Variants in ATP9A observed in about 807,000 individuals in gnomAD.
The protein encoded by ATP9A is probable phospholipid-transporting ATPase IIA.
Under a neutral mutation model 144.1 loss-of-function variants are expected in ATP9A, and 52 were observed. The observed-to-expected ratio is 0.36, with a 90% CI of 0.29 to 0.45. The LOEUF (loss-of-function observed/expected upper bound fraction) is 0.45, where lower values mean the gene tolerates loss of function less well. ATP9A is among the 20% of genes least tolerant of loss of function. The pLI is 1.00. For missense variants in ATP9A, 947 were observed against 1,392.7 expected (o/e 0.68, Z 5.09); for synonymous variants, 582 against 557.4 (o/e 1.04, Z -0.62).
chr20:51,746,156 A>C (rs553435772), intron 1 of ATP9A, among the ~76,000 whole-genome samples: 10 of 152,300 alleles, frequency 6.6e-5, no homozygotes, highest in Non-Finnish European at 1.3e-4. Context: ...GAAGGGAAGA[A>C]GAGACACTGG....
chr20:51,689,215 C>T (rs1233159588), intron 8 of ATP9A, 76 bp from the exon 9 acceptor site: 7 of 1,452,684 alleles, frequency 4.8e-6, no homozygotes, highest in South Asian at 2.4e-5. Flanking sequence ...TAGCATGGTC[C>T]GCTGGAGATA....
chr20:51,669,969 T>G, intron 13 of ATP9A, 28 bp downstream of exon 13: 2 of 1,525,076 alleles, frequency 1.3e-6, no homozygotes, highest in African/African-American at 1.4e-5. Context: ...CAAAGAATTG[T>G]TTTGGGTGTT....
intron 1 of ATP9A, among the ~76,000 whole-genome samples, chr20:51,745,040 C>T (rs1401976582): frequency 6.6e-6 from 1 of 151,840 alleles, no homozygotes; most frequent in Non-Finnish European, 1.5e-5. Context: ...CTTTGGGAGG[C>T]CAAGGCGGGT....
intron 4 of ATP9A, among the ~76,000 whole-genome samples, chr20:51,698,826 A>C (rs577460130): frequency 6.6e-6 from 1 of 152,218 alleles, no homozygotes; most frequent in African/African-American, 2.4e-5. Flanking sequence ...CAAGACGTAA[A>C]GCATCAGGAA....
chr20:51,627,804 A>G, intron 16 of ATP9A, 121 bp from the exon 17 acceptor site: 1 of 817,924 alleles, frequency 1.2e-6, no homozygotes, highest in Non-Finnish European at 2.0e-6. Flanking sequence ...GCAAATCAGA[A>G]AGTTGCTTTC....
At chr20:51,607,301 C>T (rs1308365538) in intron 26 of ATP9A, among the ~76,000 whole-genome samples, 1 of 152,226 alleles carries the variant, frequency 6.6e-6, no homozygotes, top group Non-Finnish European at 1.5e-5. Context: ...TTACTGTCCA[C>T]TGCCTTCCTC....
intron 1 of ATP9A, among the ~76,000 whole-genome samples, chr20:51,739,669 C>A (rs1387982627): frequency 6.6e-6 from 1 of 152,172 alleles, no homozygotes; most frequent in South Asian, 2.1e-4. Flanking sequence ...TGAGCCCAAT[C>A]CCATCTCTGA....
intron 1 of ATP9A, among the ~76,000 whole-genome samples, chr20:51,759,865 C>T (rs1309420617): frequency 6.6e-6 from 1 of 152,072 alleles, no homozygotes; most frequent in African/African-American, 2.4e-5. Context: ...ATCCCTCAAA[C>T]TTGTAATCCC....
chr20:51,695,311 C>T (rs2077565865), intron 6 of ATP9A, among the ~76,000 whole-genome samples: 1 of 151,724 alleles, frequency 6.6e-6, no homozygotes, highest in African/African-American at 2.4e-5. Context: ...GGTGAAACCC[C>T]GTCTCTACTA....
chr20:51,746,149 G>C (rs1377167430), intron 1 of ATP9A, among the ~76,000 whole-genome samples: 1 of 152,110 alleles, frequency 6.6e-6, no homozygotes, highest in African/African-American at 2.4e-5. Context: ...GCACAAAGAA[G>C]GGAAGAAGAG....
intron 1 of ATP9A, among the ~76,000 whole-genome samples, chr20:51,751,078 A>G (rs1467111188): frequency 6.6e-6 from 1 of 152,148 alleles, no homozygotes; most frequent in Non-Finnish European, 1.5e-5. Flanking sequence ...AGGGAGGGGC[A>G]TCAGGAAGGA....
chr20:51,613,138 A>G (rs1371250132), intron 23 of ATP9A, among the ~76,000 whole-genome samples: 2 of 152,150 alleles, frequency 1.3e-5, no homozygotes, highest in African/African-American at 2.4e-5. Flanking sequence ...GAGACACTGC[A>G]TTGTCAACAC....
chr20:51,755,479 C>T (rs929747710), intron 1 of ATP9A, among the ~76,000 whole-genome samples: 9 of 151,930 alleles, frequency 5.9e-5, no homozygotes, highest in African/African-American at 2.2e-4. Context: ...ATACTCCTAT[C>T]AGAATGGCTG....
Position 51,611,554 on chromosome 20 carries a change from G to A in ATP9A, c.2572-1389C>T, listed in dbSNP as rs897211745. 6.6e-6 allele frequency among the ~76,000 whole-genome samples: 1 copy of A among 152,142 alleles called. No individual in the cohort carries two copies. Among genetic ancestry groups the A allele is most frequent in the African/African-American group, 2.4e-5 (1 of 41,402 alleles). Reference sequence around the variant, plus strand: ...GCAATTCTAACTGGGACTTGCTCTCGGCCATTTTCAGCACAGTGGACAGGG... The same window carrying A: ...GCAATTCTAACTGGGACTTGCTCTCAGCCATTTTCAGCACAGTGGACAGGG... On this transcript the variant is annotated intron_variant, in intron 23 of 27. Coordinates refer to ENST00000338821, the MANE Select transcript of ATP9A (RefSeq NM_006045.3). The surrounding 1 kb of genome is among the most constrained non-coding windows in gnomAD (Gnocchi z 4.2).
intron 3 of ATP9A, among the ~76,000 whole-genome samples, chr20:51,717,080 G>T (rs1003058121): frequency 2.0e-5 from 3 of 151,194 alleles, no homozygotes; most frequent in Admixed American, 1.3e-4. Flanking sequence ...GCTGAGGCAG[G>T]AGAATCGCTT....
chr20:51,716,560 G>A (rs544273214), intron 3 of ATP9A, among the ~76,000 whole-genome samples: 17 of 152,046 alleles, frequency 1.1e-4, no homozygotes, highest in African/African-American at 3.9e-4. Context: ...GGCTGAGGCA[G>A]GAGGATTGTC....
intron 1 of ATP9A, among the ~76,000 whole-genome samples, chr20:51,737,014 C>T (rs908211662): frequency 3.9e-5 from 6 of 152,156 alleles, no homozygotes; most frequent in African/African-American, 1.4e-4. Context: ...GTACTAGCAC[C>T]ATTCCCATTG....
intron 14 of ATP9A, among the ~76,000 whole-genome samples, chr20:51,651,270 A>G (rs1485762117): frequency 7.2e-6 from 1 of 139,068 alleles, no homozygotes; most frequent in Non-Finnish European, 1.5e-5. Flanking sequence ...ATTATATAAT[A>G]TATATTTACA....
chr20:51,622,536 T>C (rs1473761847), intron 18 of ATP9A, among the ~76,000 whole-genome samples: 1 of 152,206 alleles, frequency 6.6e-6, no homozygotes, highest in East Asian at 1.9e-4. Context: ...AGGGGGCACT[T>C]CCCTGTCCTA....
Sources: gnomAD v4.1 joint callset for allele counts (sites outside exome capture counted in the v4.1 genomes callset) on GRCh38, gnomAD v4.1.1 for gene constraint, Gnocchi (gnomAD v3.1) non-coding constraint, MANE v1.5 for transcripts, NCBI Gene and HGNC (gene_info 2026-07-23, HGNC 2026-07-21) for gene names.